The following LAMB1 variants were observed in gnomAD, a reference collection of about 807,000 sequenced individuals.
The protein encoded by LAMB1 is laminin subunit beta 1, also known as laminin subunit beta-1.
A neutral mutation model predicts 222.3 loss-of-function variants in LAMB1; 121 were observed. The ratio of observed to expected loss-of-function variants is 0.54; its 90% CI spans 0.47 to 0.63. The LOEUF (loss-of-function observed/expected upper bound fraction) is 0.63. LAMB1 is among the 30% of genes least tolerant of loss of function. The pLI is 0.00. For missense variants in LAMB1, 2,172 were observed against 2,240.8 expected (o/e 0.97, Z 0.62); for synonymous variants, 794 against 807.2 (o/e 0.98, Z 0.28).
At chr7:107,928,932 T>G in intron 31 of LAMB1, 132 bp downstream of exon 31, 3 of 845,172 alleles carry the variant, frequency 3.5e-6, no homozygotes, top group South Asian at 1.6e-5. Context: ...GCTAACGGAG[T>G]AGTTTAGATT....
At chr7:107,959,962 T>C (rs896775035) in intron 18 of LAMB1, 128 bp from the exon 19 acceptor site, 2 of 1,287,496 alleles carry the variant, frequency 1.6e-6, no homozygotes, top group East Asian at 5.1e-5. Flanking sequence ...ATCCCTATGA[T>C]GAGCGGAAGG....
chr7:107,945,701 T>G (rs1177472858), intron 24 of LAMB1, among the ~76,000 whole-genome samples: 1 of 152,212 alleles, frequency 6.6e-6, no homozygotes, highest in African/African-American at 2.4e-5. Context: ...GAGTCTGAGA[T>G]TAGTCAAGTG....
chr7:108,002,486 C>A, intron 2 of LAMB1: 1 of 1,219,926 alleles, frequency 8.2e-7, no homozygotes, highest in South Asian at 1.5e-5. Flanking sequence ...CTCTCCTGGG[C>A]AATGGATTTT....
At chr7:107,946,211 T>C (rs2033113015) in intron 24 of LAMB1, among the ~76,000 whole-genome samples, 1 of 152,234 alleles carries the variant, frequency 6.6e-6, no homozygotes, top group Admixed American at 6.5e-5. Flanking sequence ...TTACTGATAC[T>C]TTACTTAGGC....
At chr7:107,932,931 A>G (rs2032748059) in intron 27 of LAMB1, among the ~76,000 whole-genome samples, 1 of 152,230 alleles carries the variant, frequency 6.6e-6, no homozygotes, top group African/African-American at 2.4e-5. Flanking sequence ...CAAAGGAGAG[A>G]CTGCAGAGGA....
At chr7:108,002,527 C>G in intron 2 of LAMB1, 1 of 1,031,214 alleles carries the variant, frequency 9.7e-7, no homozygotes. Context: ...GCACCGCCAA[C>G]CCCAGGGAAC....
intron 25 of LAMB1, among the ~76,000 whole-genome samples, chr7:107,938,403 A>C (rs1415277399): frequency 7.1e-6 from 1 of 141,712 alleles, no homozygotes; most frequent in African/African-American, 2.5e-5. Flanking sequence ...CTCAGGTCTC[A>C]TAAAATGATA....
At chr7:107,981,069 T>C (rs1009197986) in intron 7 of LAMB1, among the ~76,000 whole-genome samples, 2 of 152,134 alleles carry the variant, frequency 1.3e-5, no homozygotes, top group African/African-American at 2.4e-5. Context: ...TCCAGCACTT[T>C]GGGAGGCCAA....
chr7:108,001,072 T>G (rs557067378), intron 3 of LAMB1, among the ~76,000 whole-genome samples: 7 of 152,210 alleles, frequency 4.6e-5, no homozygotes, highest in Admixed American at 4.6e-4. Context: ...GATCCTGATA[T>G]CTAGTTGGGA....
intron 4 of LAMB1, among the ~76,000 whole-genome samples, chr7:107,996,361 G>C (rs945029851): frequency 1.1e-4 from 16 of 152,074 alleles, no homozygotes; most frequent in Non-Finnish European, 2.2e-4. Context: ...TAGTGTATTT[G>C]ATTTCTGTCA....
At chr7:107,981,207 G>A (rs944385271) in intron 7 of LAMB1, among the ~76,000 whole-genome samples, 10 of 152,172 alleles carry the variant, frequency 6.6e-5, no homozygotes, top group Non-Finnish European at 1.3e-4. Context: ...AGCATTTTGG[G>A]AGGCCGAGGT....
intron 33 of LAMB1, 51 bp from the exon 34 acceptor site, chr7:107,924,138 T>C: frequency 6.6e-7 from 1 of 1,525,372 alleles, no homozygotes. Flanking sequence ...ACTATGATGA[T>C]CTCAAGACAA....
chr7:107,927,959 C>A (rs1415318497), intron 31 of LAMB1, among the ~76,000 whole-genome samples: 3 of 152,170 alleles, frequency 2.0e-5, no homozygotes, highest in Admixed American at 6.5e-5. Flanking sequence ...GCTGACAATG[C>A]TGGGTATGGG....
chr7:107,930,819 C>A (rs1022507699), intron 29 of LAMB1, among the ~76,000 whole-genome samples: 2 of 152,134 alleles, frequency 1.3e-5, no homozygotes, highest in Non-Finnish European at 2.9e-5. Context: ...GGGTCGCAGA[C>A]CCAGGAAGCT....
At chr7:107,930,595 T>C (rs2032683126) in intron 29 of LAMB1, among the ~76,000 whole-genome samples, 1 of 152,222 alleles carries the variant, frequency 6.6e-6, no homozygotes, top group Non-Finnish European at 1.5e-5. Flanking sequence ...ATGTGACTTA[T>C]TGCTGGCCAG....
intron 24 of LAMB1, 143 bp downstream of exon 24, chr7:107,951,083 G>C (rs1412304486): frequency 3.2e-6 from 2 of 627,182 alleles, no homozygotes; most frequent in African/African-American, 3.7e-5. Flanking sequence ...TAAACAATCA[G>C]TGTTAATTTA....
At chr7:107,993,023 G>C (rs2034214818) in intron 5 of LAMB1, among the ~76,000 whole-genome samples, 1 of 152,168 alleles carries the variant, frequency 6.6e-6, no homozygotes, top group Non-Finnish European at 1.5e-5. Context: ...TGCCAAGAAG[G>C]AGCAGGCAGG....
At chr7:107,966,362 C>G (rs113481783) in intron 13 of LAMB1, among the ~76,000 whole-genome samples, 13 of 152,054 alleles carry the variant, frequency 8.5e-5, no homozygotes, top group African/African-American at 3.1e-4. Context: ...AGGCGACTGC[C>G]ACCATGCCTG....
intron 4 of LAMB1, among the ~76,000 whole-genome samples, chr7:107,995,902 C>T (rs1377527310): frequency 6.6e-6 from 1 of 151,670 alleles, no homozygotes; most frequent in Non-Finnish European, 1.5e-5. Context: ...TCAGGAGGAC[C>T]TTTTGAAATA....
Sources: gnomAD v4.1 joint callset for allele counts (sites outside exome capture counted in the v4.1 genomes callset) on GRCh38, gnomAD v4.1.1 for gene constraint, MANE v1.5 for transcripts, NCBI Gene and HGNC (gene_info 2026-07-23, HGNC 2026-07-21) for gene names.